The following ANKS1B variants were observed in gnomAD, a reference collection of about 807,000 sequenced individuals.
ANKS1B encodes ankyrin repeat and sterile alpha motif domain-containing protein 1B.
ANKS1B carries 36 observed loss-of-function variants against 148.3 expected under a neutral mutation model. The ratio of observed to expected loss-of-function variants is 0.24; its 90% CI spans 0.19 to 0.32. The LOEUF (loss-of-function observed/expected upper bound fraction) is 0.32. Among genes scored for constraint, ANKS1B ranks in the 10% least tolerant of loss-of-function variants. ANKS1B has a pLI of 1.00. For synonymous variants in ANKS1B, 542 were observed against 560.8 expected (o/e 0.97, Z 0.47); for missense variants, 1,157 against 1,542.6 (o/e 0.75, Z 4.19).
At chr12:99,302,257 C>T (rs1157322372) in intron 12 of ANKS1B, among the ~76,000 whole-genome samples, 1 of 152,076 alleles carries the variant, frequency 6.6e-6, no homozygotes, top group Non-Finnish European at 1.5e-5. Flanking sequence ...AATTTTGCCG[C>T]AGTGTTATCC....
intron 8 of ANKS1B, among the ~76,000 whole-genome samples, chr12:99,660,363 C>CTTTTTTTTTTTTT (rs71088137): frequency 3.0e-4 from 36 of 120,540 alleles, no homozygotes; most frequent in East Asian, 4.8e-4. Context: ...TTTTCTTTTT[C>CTTTTTTTTTTTTT]TTTTTTTTTT....
rs984308635 is a variant in ANKS1B, at chr12:99,487,472, G to A, written c.1438+17004C>T. Among the ~76,000 whole-genome samples the A allele has an allele frequency of 5.3e-5, 8 of 152,102 alleles. No homozygotes were observed. The East Asian group carries it at 1.5e-3, about 29-fold the overall frequency. On this transcript the variant is annotated intron_variant, in intron 10 of 26. Coordinates refer to ENST00000683438, the MANE Select transcript of ANKS1B (RefSeq NM_001352186.2). ...GCTTTGAGCATTGCTTAAAATGAAG[G>A]TGAGCTGAAGAGTGGGAACAATTGG... is the stretch of plus-strand genomic sequence containing the variant.
At chr12:99,313,947 G>C (rs1387162930) in intron 12 of ANKS1B, among the ~76,000 whole-genome samples, 1 of 152,128 alleles carries the variant, frequency 6.6e-6, no homozygotes, top group African/African-American at 2.4e-5. Context: ...GAAACAAAGG[G>C]CCTTCAAATA....
intron 12 of ANKS1B, among the ~76,000 whole-genome samples, chr12:99,248,259 A>G (rs1396433899): frequency 1.3e-5 from 2 of 152,216 alleles, no homozygotes; most frequent in Admixed American, 6.5e-5. Flanking sequence ...CCAGGTGTCT[A>G]TACTGCTCTC....
rs553395782 is a variant in ANKS1B, at chr12:98,821,237, T to G, written c.3066+7937A>C. On this transcript the variant is annotated intron_variant, in intron 19 of 26. Coordinates refer to ENST00000683438, the MANE Select transcript of ANKS1B (RefSeq NM_001352186.2). ...CTAACAAAGCTCATCAAATTAAGTA[T>G]GAAAAAATGAAATCAATACTCATCT... Among the ~76,000 whole-genome samples the G allele has an allele frequency of 2.0e-5, 3 of 152,330 alleles. No homozygotes were observed. The South Asian group carries it at 6.2e-4, about 32-fold the overall frequency.
At chr12:99,347,966 C>A (rs936528988) in intron 12 of ANKS1B, among the ~76,000 whole-genome samples, 1 of 151,640 alleles carries the variant, frequency 6.6e-6, no homozygotes, top group Non-Finnish European at 1.5e-5. Context: ...ATATATGAAA[C>A]CAATGTCTCA....
intron 8 of ANKS1B, among the ~76,000 whole-genome samples, chr12:99,749,152 C>A (rs984551224): frequency 6.6e-6 from 1 of 152,012 alleles, no homozygotes; most frequent in Non-Finnish European, 1.5e-5. Context: ...CTGGCCCTAC[C>A]CCTACCTCCT....
chr12:99,799,559 G>C (rs115176282), intron 4 of ANKS1B, among the ~76,000 whole-genome samples: 1 of 152,142 alleles, frequency 6.6e-6, no homozygotes, highest in Non-Finnish European at 1.5e-5. Context: ...CTGGAGCATA[G>C]TGCCTGGTAG....
At chr12:99,655,251 G>A in intron 8 of ANKS1B, 41 bp from the exon 9 acceptor site, 2 of 1,441,586 alleles carry the variant, frequency 1.4e-6, no homozygotes, top group Admixed American at 2.1e-5. Flanking sequence ...TTATATCAAT[G>A]ATATTTAGAT....
chr12:98,832,418 C>A (rs1465480033), intron 17 of ANKS1B, among the ~76,000 whole-genome samples: 1 of 152,090 alleles, frequency 6.6e-6, no homozygotes, highest in African/African-American at 2.4e-5. Flanking sequence ...CAAGAGAAAC[C>A]AGCTCTTCTT....
At chr12:99,786,424 C>G (rs542819079) in intron 4 of ANKS1B, among the ~76,000 whole-genome samples, 4 of 152,160 alleles carry the variant, frequency 2.6e-5, no homozygotes, top group South Asian at 4.2e-4. Flanking sequence ...GAAGTCTAAG[C>G]AAGCTGAAAG....
intron 14 of ANKS1B, among the ~76,000 whole-genome samples, chr12:99,183,529 C>T (rs571078384): frequency 6.6e-6 from 1 of 151,964 alleles, no homozygotes; most frequent in African/African-American, 2.4e-5. Flanking sequence ...TGTAATCCCA[C>T]CTACTTGGGA....
intron 9 of ANKS1B, among the ~76,000 whole-genome samples, chr12:99,508,540 C>T (rs956353778): frequency 4.6e-5 from 7 of 151,340 alleles, no homozygotes; most frequent in South Asian, 2.1e-4. Context: ...TAAAATATTT[C>T]CTAATCTGTT....
At chr12:99,075,267 C>T (rs1455749056) in intron 16 of ANKS1B, among the ~76,000 whole-genome samples, 1 of 152,134 alleles carries the variant, frequency 6.6e-6, no homozygotes, top group Admixed American at 6.5e-5. Flanking sequence ...GGCAATAGAA[C>T]ATCCCAAGTG....
Position 99,901,611 on chromosome 12 carries a change from A to C in ANKS1B, c.135-76222T>G, listed in dbSNP as rs529518227. ...ACAACTCCAAAACCTCATTTAGATA[A>C]CACCCCTCCCCCATTCTCAGTCCAT... On this transcript the variant is annotated intron_variant, in intron 1 of 26. Coordinates refer to ENST00000683438, the MANE Select transcript of ANKS1B (RefSeq NM_001352186.2). Among the ~76,000 whole-genome samples the C allele has an allele frequency of 8.5e-5, 13 of 152,210 alleles. No homozygotes were observed. The South Asian group carries it at 2.1e-3, about 24-fold the overall frequency.
chr12:99,791,599 A>G (rs1243717361), intron 4 of ANKS1B, among the ~76,000 whole-genome samples: 1 of 152,024 alleles, frequency 6.6e-6, no homozygotes, highest in East Asian at 1.9e-4. Flanking sequence ...ATCAATAACA[A>G]GAGAAATTTT....
chr12:99,510,792 G>T (rs2096757591), intron 9 of ANKS1B, among the ~76,000 whole-genome samples: 1 of 151,960 alleles, frequency 6.6e-6, no homozygotes, highest in South Asian at 2.1e-4. Context: ...ATGCTACAAA[G>T]AAATCTTTCA....
In ANKS1B at chr12:98,966,049, G is replaced by A. The variant is rs1299692682; in HGVS notation, c.2778+87108C>T. ...CAACAAAAGCCAAAATTGACAAATA[G>A]GATCTAATTAGACTAAAGAGCTTCT... is the stretch of plus-strand genomic sequence containing the variant. On this transcript the variant is annotated intron_variant, in intron 17 of 26. Transcript: ENST00000683438. Among the ~76,000 whole-genome samples the A allele has an allele frequency of 4.6e-5, 7 of 152,288 alleles. No individual in the cohort carries two copies. The East Asian group carries it at 1.2e-3, about 25-fold the overall frequency.
chr12:99,652,078 TATATATATAC>T (rs1295473768), intron 9 of ANKS1B, among the ~76,000 whole-genome samples: 1 of 150,526 alleles, frequency 6.6e-6, no homozygotes, highest in Non-Finnish European at 1.5e-5. Context: ...CATGTGTATA[TATATATATAC>T]ACACACATAT....
Sources: gnomAD v4.1 joint callset for allele counts (sites outside exome capture counted in the v4.1 genomes callset) on GRCh38, gnomAD v4.1.1 for gene constraint, MANE v1.5 for transcripts, NCBI Gene and HGNC (gene_info 2026-07-23, HGNC 2026-07-21) for gene names.